The following SLC22A23 variants were observed in gnomAD, a reference collection of about 807,000 sequenced individuals.
SLC22A23 encodes the protein solute carrier family 22 member 23.
Under a neutral mutation model 61.0 loss-of-function variants are expected in SLC22A23, and 26 were observed. That is an observed-to-expected ratio of 0.43 (90% CI 0.31 to 0.59). The LOEUF (loss-of-function observed/expected upper bound fraction) is 0.59, where lower values mean the gene tolerates loss of function less well. SLC22A23 is among the 20% of genes least tolerant of loss of function. SLC22A23 has a pLI of 0.11. For synonymous variants in SLC22A23, 430 were observed against 413.9 expected, an observed-to-expected ratio of 1.04 and a Z score of -0.47; for missense variants, 796 against 934.7, an observed-to-expected ratio of 0.85 and a Z score of 1.94.
At chr6:3,367,425 G>T (rs908952057) in intron 3 of SLC22A23, among the ~76,000 whole-genome samples, 7 of 152,206 alleles carry the variant, frequency 4.6e-5, no homozygotes, top group South Asian at 2.1e-4. Context: ...TTAGCAAGCT[G>T]GCTGTGACGG....
intron 3 of SLC22A23, among the ~76,000 whole-genome samples, chr6:3,362,531 C>A (rs1355089667): frequency 6.6e-6 from 1 of 152,018 alleles, no homozygotes; most frequent in Non-Finnish European, 1.5e-5. Context: ...AGGCCATGAC[C>A]TTTCTGAGAT....
chr6:3,436,640 G>A (rs974526499), intron 1 of SLC22A23, among the ~76,000 whole-genome samples: 16 of 152,026 alleles, frequency 1.1e-4, no homozygotes, highest in African/African-American at 3.1e-4. Context: ...TCCATGCACC[G>A]TGCACCGCTC....
intron 3 of SLC22A23, among the ~76,000 whole-genome samples, chr6:3,381,832 C>T (rs1581788628): frequency 6.6e-6 from 1 of 152,202 alleles, no homozygotes; most frequent in Admixed American, 6.5e-5. Context: ...TCCTTTCAGA[C>T]TCATTTGCTG....
intron 1 of SLC22A23, chr6:3,439,409 G>A: frequency 2.4e-6 from 1 of 411,316 alleles, no homozygotes. Flanking sequence ...CTGCGGCCCT[G>A]GACGAAGATG....
At chr6:3,282,308 C>G (rs1358254395) in intron 9 of SLC22A23, 1 of 702,486 alleles carries the variant, frequency 1.4e-6, no homozygotes, top group Non-Finnish European at 2.6e-6. Flanking sequence ...TGACTCATCT[C>G]TCCCCTGTGG....
intron 1 of SLC22A23, among the ~76,000 whole-genome samples, chr6:3,442,131 A>G (rs549990083): frequency 2.5e-4 from 38 of 152,326 alleles, no homozygotes; most frequent in African/African-American, 8.7e-4. Flanking sequence ...ACGCTACCAC[A>G]TGGATGAGCC....
intron 3 of SLC22A23, among the ~76,000 whole-genome samples, chr6:3,334,237 T>C (rs963052118): frequency 6.6e-6 from 1 of 152,202 alleles, no homozygotes; most frequent in African/African-American, 2.4e-5. Context: ...TCTTGGCTCA[T>C]TGCAACCTCC....
chr6:3,279,533 A>AAAAAAAAAAAAAAAAAC (rs1759237972), intron 9 of SLC22A23, among the ~76,000 whole-genome samples: 1 of 147,462 alleles, frequency 6.8e-6, no homozygotes, highest in Admixed American at 6.7e-5. Context: ...AAAAAAAAAA[A>AAAAAAAAAAAAAAAAAC]AAATCCTTGA....
intron 1 of SLC22A23, 142 bp from the exon 2 acceptor site, chr6:3,415,997 T>G: frequency 3.4e-6 from 2 of 589,796 alleles, no homozygotes; most frequent in Non-Finnish European, 6.0e-6. Flanking sequence ...TCAGAGTCTC[T>G]TCCATGGTTT....
rs577825872 is a variant in SLC22A23, at chr6:3,432,824, C to T, written c.655-16969G>A. 9.2e-5 allele frequency among the ~76,000 whole-genome samples: 14 copies of T among 152,328 alleles called. No homozygotes were observed. In the South Asian group the frequency reaches 2.9e-3, roughly 32 times the overall value. Reference sequence around the variant, plus strand: ...TCTTTTTAAGGTTTTTAGCAAGGAGCAGGCAAATCAGGAGGCCTGGCCCTC... The same window carrying T: ...TCTTTTTAAGGTTTTTAGCAAGGAGTAGGCAAATCAGGAGGCCTGGCCCTC... On this transcript the variant is annotated intron_variant, in intron 1 of 9. Coordinates refer to ENST00000406686, the MANE Select transcript of SLC22A23 (RefSeq NM_015482.2).
intron 3 of SLC22A23, among the ~76,000 whole-genome samples, chr6:3,335,891 C>T (rs1049643497): frequency 1.3e-5 from 2 of 152,176 alleles, no homozygotes; most frequent in African/African-American, 2.4e-5. Flanking sequence ...AGATCGAGGC[C>T]ATCCTGGCTA....
rs775402896 is a variant in SLC22A23, at chr6:3,455,921, C to T, written c.639G>A (p.Gln213=). ...CGGCCCTTACCTTGCTGACCACGTT[C>T]TGGACGAGGCCGGCGCGGATGCCGT... ...WDYGIRAGLV[Q]NVVSKWDLVC... The change falls in exon 1 of 10, where the codon CAG becomes CAA. Residue 213 remains glutamine, a synonymous_variant. Transcript: ENST00000406686. The T allele has an allele frequency of 7.3e-6, 11 of 1,509,300 alleles. No individual in the cohort carries two copies. Among genetic ancestry groups the T allele is most frequent in the Non-Finnish European group, 8.9e-6 (10 of 1,121,864 alleles). The allele number at this position is 1,509,300 out of a possible 1,614,324, so 93.5% of individuals were successfully genotyped here.
At chr6:3,339,054 G>GAGGGAAGAGC (rs1764012457) in intron 3 of SLC22A23, among the ~76,000 whole-genome samples, 1 of 152,240 alleles carries the variant, frequency 6.6e-6, no homozygotes, top group Non-Finnish European at 1.5e-5. Context: ...CAGAGCTGCA[G>GAGGGAAGAGC]AGGGAAGAGC....
intron 3 of SLC22A23, among the ~76,000 whole-genome samples, chr6:3,351,419 C>G (rs1211259176): frequency 6.6e-6 from 1 of 151,992 alleles, no homozygotes; most frequent in African/African-American, 2.4e-5. Flanking sequence ...GGCAGAAAGA[C>G]AAGTCTTGAG....
At chr6:3,326,722 C>T (rs1427964111) in intron 3 of SLC22A23, among the ~76,000 whole-genome samples, 1 of 152,252 alleles carries the variant, frequency 6.6e-6, no homozygotes, top group African/African-American at 2.4e-5. Flanking sequence ...GTATGGCCAT[C>T]TGCAGTTAAC....
At chr6:3,347,006 C>T (rs1764478530) in intron 3 of SLC22A23, among the ~76,000 whole-genome samples, 1 of 152,142 alleles carries the variant, frequency 6.6e-6, no homozygotes, top group Admixed American at 6.5e-5. Context: ...AACCCAAACA[C>T]CCAGTGTTCA....
rs917228484 is a variant in SLC22A23, at chr6:3,270,180, G to A, written c.*2875C>T. The A allele has an allele frequency of 1.3e-5, 2 of 152,440 alleles. No individual in the cohort carries two copies. The highest frequency in any genetic ancestry group is 2.9e-5 in the Non-Finnish European group (2 of 68,118). The allele number at this position is 152,440 out of a possible 1,614,324, so 9.4% of individuals were successfully genotyped here. A position where few individuals can be genotyped will look rare whatever the true frequency, so the allele number is the denominator to read the frequency against. On this transcript the variant is annotated 3_prime_UTR_variant, in exon 10 of 10. Transcript: ENST00000406686. ...GCGGAACGGAGGGGTGTGTGGAGGA[G>A]AGTAGCAGGGGGTGGGAGGGTCAAG... is the stretch of plus-strand genomic sequence containing the variant.
intron 4 of SLC22A23, among the ~76,000 whole-genome samples, chr6:3,310,211 GGGAGCACCCTGTCTCCCACT>G (rs1221699951): frequency 3.4e-4 from 50 of 147,294 alleles, no homozygotes; most frequent in South Asian, 3.1e-3. Context: ...CAGTTCAAGC[GGGAGCACCCTGTCTCCCACT>G]GGAGCACCCT....
At chr6:3,415,901 G>C in intron 1 of SLC22A23, 46 bp from the exon 2 acceptor site, 1 of 1,389,712 alleles carries the variant, frequency 7.2e-7, no homozygotes, top group East Asian at 2.5e-5. Context: ...AACATACACA[G>C]AGCTAGTCGT....
Sources: allele counts gnomAD v4.1 joint callset (sites outside exome capture counted in the v4.1 genomes callset), GRCh38; gene constraint gnomAD v4.1.1; transcripts MANE v1.5; gene names NCBI Gene and HGNC (gene_info 2026-07-23, HGNC 2026-07-21).